The following AFF3 variants were observed in gnomAD, a reference collection of about 807,000 sequenced individuals.
The protein encoded by AFF3 is AF4/FMR2 family member 3.
A neutral mutation model predicts 129.7 loss-of-function variants in AFF3; 32 were observed. The ratio of observed to expected loss-of-function variants is 0.25; its 90% CI spans 0.19 to 0.33. AFF3 has a LOEUF of 0.33. AFF3 is among the 10% of genes least tolerant of loss of function. The pLI is 1.00. For synonymous variants in AFF3, 644 were observed against 635.4 expected (o/e 1.01, Z -0.20); for missense variants, 1,373 against 1,592.0 (o/e 0.86, Z 2.34).
At chr2:100,137,162 T>C (rs1362680063) in intron 1 of AFF3, among the ~76,000 whole-genome samples, 1 of 152,214 alleles carries the variant, frequency 6.6e-6, no homozygotes, top group East Asian at 1.9e-4. Flanking sequence ...AACCGATGTA[T>C]AAGGCTGTCC....
intron 7 of AFF3, among the ~76,000 whole-genome samples, chr2:99,894,472 T>A (rs1429832776): frequency 6.8e-6 from 1 of 146,006 alleles, no homozygotes; most frequent in Non-Finnish European, 1.5e-5. Context: ...CGTCAGGAAT[T>A]TTTTTTTTTT....
chr2:99,993,586 G>A (rs936022881), intron 7 of AFF3, among the ~76,000 whole-genome samples: 65 of 151,628 alleles, frequency 4.3e-4, no homozygotes, highest in African/African-American at 1.5e-3. Context: ...ACAAAAACGA[G>A]AGAGAGTTGG....
intron 12 of AFF3, among the ~76,000 whole-genome samples, chr2:99,655,202 A>G (rs1320660359): frequency 1.4e-5 from 2 of 144,376 alleles, no homozygotes; most frequent in African/African-American, 5.2e-5. Context: ...GGTGGGGCAG[A>G]CATGAAAAGC....
At chr2:99,913,105 A>G (rs914708445) in intron 7 of AFF3, among the ~76,000 whole-genome samples, 18 of 152,224 alleles carry the variant, frequency 1.2e-4, no homozygotes, top group Non-Finnish European at 1.5e-4. Flanking sequence ...AGGGGAAAAG[A>G]AAGAAGAGAA....
chr2:99,890,510 C>G (rs571643576), intron 7 of AFF3, among the ~76,000 whole-genome samples: 1 of 152,328 alleles, frequency 6.6e-6, no homozygotes, highest in South Asian at 2.1e-4. Context: ...CTTGCCTGGA[C>G]AGTCACGAGG....
At chr2:99,895,233 T>C (rs1050866273) in intron 7 of AFF3, among the ~76,000 whole-genome samples, 2 of 152,222 alleles carry the variant, frequency 1.3e-5, no homozygotes, top group Non-Finnish European at 2.9e-5. Flanking sequence ...TCAAATTGTA[T>C]AGATACTGCC....
chr2:99,651,065 C>A (rs1250578191), intron 12 of AFF3, among the ~76,000 whole-genome samples: 3 of 149,988 alleles, frequency 2.0e-5, no homozygotes, highest in African/African-American at 7.4e-5. Context: ...TCCAGCTACT[C>A]GGGAGGCCAA....
At chr2:99,989,882 A>AT (rs1271609137) in intron 7 of AFF3, among the ~76,000 whole-genome samples, 1 of 152,202 alleles carries the variant, frequency 6.6e-6, no homozygotes, top group African/African-American at 2.4e-5. Context: ...TTAGAAAAGC[A>AT]TTTTGCTGCT....
chr2:99,683,573 C>T (rs547777578), intron 11 of AFF3, among the ~76,000 whole-genome samples: 3 of 152,104 alleles, frequency 2.0e-5, no homozygotes, highest in South Asian at 2.1e-4. Flanking sequence ...CCTCAGCCCC[C>T]CAAGTAGCTG....
At position 99,813,740 on chromosome 2, in the gene AFF3, G is replaced by A. The variant is rs112909168; in HGVS notation, c.921+23737C>T. Among the ~76,000 whole-genome samples, 1,132 of 152,222 alleles carry A rather than the reference G, an allele frequency of 7.4e-3. 16 individuals carry two copies. Among genetic ancestry groups the A allele is most frequent in the African/African-American group, 0.026 (1,096 of 41,532 alleles). On this transcript the variant is annotated intron_variant, in intron 8 of 24. Transcript: ENST00000672756. ...TCAGCTTCACACAGATGGAATTTTG[G>A]GAAGAATCTCCCCAGGCTTCCTCAA...
intron 7 of AFF3, among the ~76,000 whole-genome samples, chr2:100,002,464 T>A (rs1681510508): frequency 6.6e-6 from 1 of 152,242 alleles, no homozygotes; most frequent in African/African-American, 2.4e-5. Flanking sequence ...TCATGAAAAT[T>A]CTATGATTAA....
At chr2:99,703,577 A>G (rs1170993703) in intron 11 of AFF3, among the ~76,000 whole-genome samples, 1 of 151,430 alleles carries the variant, frequency 6.6e-6, no homozygotes, top group Non-Finnish European at 1.5e-5. Flanking sequence ...GTAATTATTG[A>G]CGTGTTAGGA....
At chr2:99,784,077 C>T (rs1032090440) in intron 8 of AFF3, among the ~76,000 whole-genome samples, 3 of 152,180 alleles carry the variant, frequency 2.0e-5, no homozygotes, top group South Asian at 2.1e-4. Flanking sequence ...GATGCCTTGC[C>T]GAGAGGCCAG....
intron 18 of AFF3, among the ~76,000 whole-genome samples, chr2:99,572,948 T>C (rs1676643997): frequency 6.6e-6 from 1 of 152,024 alleles, no homozygotes; most frequent in African/African-American, 2.4e-5. Context: ...GAACCGGGCT[T>C]CTCCCAGGCA....
At chr2:99,898,630 G>A (rs893697299) in intron 7 of AFF3, among the ~76,000 whole-genome samples, 10 of 152,132 alleles carry the variant, frequency 6.6e-5, no homozygotes, top group South Asian at 2.1e-4. Context: ...ACTTGCTCAC[G>A]TTGACACTGG....
At chr2:99,919,333 T>C (rs1695700119) in intron 7 of AFF3, among the ~76,000 whole-genome samples, 1 of 151,628 alleles carries the variant, frequency 6.6e-6, no homozygotes, top group Non-Finnish European at 1.5e-5. Flanking sequence ...AATTTAATTA[T>C]GTGAAATCTG....
chr2:100,056,059 TCTCTCA>T (rs1165149408), intron 4 of AFF3, among the ~76,000 whole-genome samples: 9 of 114,654 alleles, frequency 7.8e-5, no homozygotes, highest in African/African-American at 1.4e-4. Context: ...TCGCTGTCTC[TCTCTCA>T]CACACACACA....
In AFF3 at chr2:99,922,376, AT is replaced by A. The variant is rs1358295864; in HGVS notation, c.873+84255del. The stretch of plus-strand genomic sequence containing the variant: ...CGCTTTATTTATATAGAAGATTACT[AT>A]TCAGCAATGAAAAAAAGAATTAATG... On this transcript the variant is annotated intron_variant, in intron 7 of 24. Coordinates refer to ENST00000672756, the MANE Select transcript of AFF3 (RefSeq NM_001386135.1). Among the ~76,000 whole-genome samples the A allele has an allele frequency of 3.3e-5, 5 of 152,380 alleles. No individual in the cohort carries two copies. In the East Asian group the frequency reaches 9.6e-4, roughly 29 times the overall value.
rs2105079204 is a variant in AFF3 at position 99,601,536 on chromosome 2, A to AGCTGCTGCTGCCGCTGCTGCT, written c.1249_1269dup (p.Gly420_Ser426dup). On this transcript the variant is annotated inframe_insertion, in exon 14 of 25. Transcript: ENST00000672756. ...GAGCTGCTCTCTGAGTCGCTGGAGGAGCTGCTGCTGCCGCTGCTGCTGCTG... is the reference window on the plus strand; with the variant it reads ...GAGCTGCTCTCTGAGTCGCTGGAGGAGCTGCTGCTGCCGCTGCTGCTGCTGCTGCTGCCGCTGCTGCTGCTG... The AGCTGCTGCTGCCGCTGCTGCT allele has an allele frequency of 1.9e-6, 3 of 1,603,514 alleles. No homozygotes were observed. Among genetic ancestry groups the AGCTGCTGCTGCCGCTGCTGCT allele is most frequent in the Non-Finnish European group, 1.7e-6 (2 of 1,176,466 alleles).
Sources: allele counts gnomAD v4.1 joint callset (sites outside exome capture counted in the v4.1 genomes callset), GRCh38; gene constraint gnomAD v4.1.1; transcripts MANE v1.5; gene names NCBI Gene and HGNC (gene_info 2026-07-23, HGNC 2026-07-21).